Variants in SLC4A4 observed in about 807,000 individuals in gnomAD.
SLC4A4 encodes the protein solute carrier family 4 member 4, also known as electrogenic sodium bicarbonate cotransporter 1.
Under a neutral mutation model 111.5 loss-of-function variants are expected in SLC4A4, and 27 were observed. The ratio of observed to expected loss-of-function variants is 0.24; its 90% CI spans 0.18 to 0.33. The LOEUF is 0.33. SLC4A4 is among the 10% of genes least tolerant of loss of function. The probability of loss-of-function intolerance (pLI) is 1.00; values close to 1 mark genes in which losing one functional copy is unlikely to be tolerated. For missense variants in SLC4A4, 909 were observed against 1,315.5 expected (o/e 0.69, Z 4.78); for synonymous variants, 443 against 463.4 (o/e 0.96, Z 0.57).
rs981788513 is a variant in SLC4A4, at chr4:71,338,184, C to T, written c.254-1186C>T. Among the ~76,000 whole-genome samples the T allele has an allele frequency of 2.6e-5, 4 of 151,874 alleles. No individual in the cohort carries two copies. The East Asian group carries it at 5.8e-4, about 22-fold the overall frequency. On this transcript the variant is annotated intron_variant, in intron 3 of 25. Transcript: ENST00000264485. The stretch of plus-strand genomic sequence containing the variant: ...CACATTTTATTTTAATGATTAGTTT[C>T]GATTTTTAATTAGGTTGAATATTTT...
At chr4:71,426,134 ACT>A (rs1418436809) in intron 7 of SLC4A4, among the ~76,000 whole-genome samples, 1 of 151,352 alleles carries the variant, frequency 6.6e-6, no homozygotes, top group Admixed American at 6.6e-5. Context: ...CTACAATAAA[ACT>A]CTTTTATTGC....
chr4:71,534,772 G>T (rs1734263880), intron 18 of SLC4A4, among the ~76,000 whole-genome samples: 1 of 152,018 alleles, frequency 6.6e-6, no homozygotes, highest in Admixed American at 6.6e-5. Context: ...ATCAACTCAG[G>T]TTTATTCTTA....
intron 2 of SLC4A4, among the ~76,000 whole-genome samples, chr4:71,124,797 C>A (rs932839187): frequency 6.6e-6 from 1 of 152,108 alleles, no homozygotes; most frequent in African/African-American, 2.4e-5. Context: ...GGGGTGTGGA[C>A]CCAGGAGATG....
At chr4:71,455,362 A>G (rs1221765348) in intron 12 of SLC4A4, among the ~76,000 whole-genome samples, 1 of 152,220 alleles carries the variant, frequency 6.6e-6, no homozygotes, top group Non-Finnish European at 1.5e-5. Context: ...TTTGTAAGAC[A>G]AAACTGAATA....
At chr4:71,331,126 G>T (rs1453819267) in intron 3 of SLC4A4, among the ~76,000 whole-genome samples, 1 of 152,186 alleles carries the variant, frequency 6.6e-6, no homozygotes, top group African/African-American at 2.4e-5. Flanking sequence ...CTTTTACACT[G>T]TTGGTGGGAC....
At chr4:71,193,043 G>T (rs1306582160) in intron 1 of SLC4A4, among the ~76,000 whole-genome samples, 1 of 152,192 alleles carries the variant, frequency 6.6e-6, no homozygotes, top group Non-Finnish European at 1.5e-5. Context: ...TTGCTACATA[G>T]TGTTCCACTT....
intron 5 of SLC4A4, among the ~76,000 whole-genome samples, chr4:71,353,387 C>A (rs114594616): frequency 1.3e-3 from 197 of 152,228 alleles, no homozygotes; most frequent in African/African-American, 4.6e-3. Context: ...ACAAATAACA[C>A]ATCATAAGTA....
chr4:71,102,612 T>C (rs890249423), intron 2 of SLC4A4, among the ~76,000 whole-genome samples: 1 of 151,870 alleles, frequency 6.6e-6, no homozygotes, highest in African/African-American at 2.4e-5. Flanking sequence ...TGGGGGCCAA[T>C]ATTCAACATT....
chr4:71,375,696 T>A (rs543844623), intron 6 of SLC4A4, among the ~76,000 whole-genome samples: 34 of 152,316 alleles, frequency 2.2e-4, no homozygotes, highest in African/African-American at 7.9e-4. Flanking sequence ...CATTTAGGTA[T>A]CCTTTATTGC....
intron 3 of SLC4A4, among the ~76,000 whole-genome samples, chr4:71,283,438 C>T (rs1723680775): frequency 6.6e-6 from 1 of 152,148 alleles, no homozygotes; most frequent in African/African-American, 2.4e-5. Context: ...AGGTTTGCCT[C>T]AGTTGCTTTG....
At chr4:71,479,558 T>A (rs1041451505) in intron 14 of SLC4A4, among the ~76,000 whole-genome samples, 1 of 151,758 alleles carries the variant, frequency 6.6e-6, no homozygotes, top group African/African-American at 2.4e-5. Context: ...AAATAAAAGA[T>A]CATCCTAACT....
intron 3 of SLC4A4, among the ~76,000 whole-genome samples, chr4:71,295,895 C>T (rs189253166): frequency 7.2e-5 from 11 of 152,084 alleles, no homozygotes; most frequent in Admixed American, 3.9e-4. Context: ...CATGTCCTTA[C>T]GTGATCCACC....
chr4:71,308,843 G>A (rs368166027), intron 3 of SLC4A4, among the ~76,000 whole-genome samples: 64 of 152,244 alleles, frequency 4.2e-4, no homozygotes, highest in African/African-American at 1.5e-3. Context: ...GTAGTTCCTG[G>A]AACCCCAGTG....
Position 71,555,149 on chromosome 4 carries a change from A to G in SLC4A4, c.2704A>G (p.Met902Val), listed in dbSNP as rs1736361260. The change falls in exon 21 of 26, where the codon ATG becomes GTG. Residue 902 changes from methionine to valine, a missense_variant. Met to Val is a conservative substitution (Grantham distance 21, BLOSUM62 1). Around this residue, in one of 7 missense-constraint regions of SLC4A4, gnomAD observed 104 missense variants for 219.5 expected, o/e 0.47. Transcript: ENST00000264485. Reference protein sequence around the residue: ...FMAPILKFIPMPVLYGVFLYM... With the variant: ...FMAPILKFIPVPVLYGVFLYM... ...ATTTTTTTCCTTCTAGTTTATACCC[A>G]TGCCTGTACTCTATGGTGTGTTCCT... The G allele has an allele frequency of 6.2e-7, 1 of 1,608,580 alleles. No homozygotes were observed. The highest frequency in any genetic ancestry group is 8.5e-7 in the Non-Finnish European group (1 of 1,175,776).
chr4:71,357,436 A>G (rs777147468), intron 6 of SLC4A4, among the ~76,000 whole-genome samples: 21 of 152,108 alleles, frequency 1.4e-4, no homozygotes, highest in Non-Finnish European at 2.5e-4. Context: ...ATCTATTCTG[A>G]TTGATGGAGG....
upstream of SLC4A4, among the ~76,000 whole-genome samples, chr4:71,183,339 C>A (rs1372172652): frequency 6.6e-6 from 1 of 152,166 alleles, no homozygotes; most frequent in Non-Finnish European, 1.5e-5. Flanking sequence ...CACGTTTAAC[C>A]AAATAAAATT....
chr4:71,340,265 A>G (rs980905528), intron 4 of SLC4A4, among the ~76,000 whole-genome samples: 1 of 152,116 alleles, frequency 6.6e-6, no homozygotes, highest in Non-Finnish European at 1.5e-5. Flanking sequence ...TAAAACAATG[A>G]GGAAAGTTGC....
intron 2 of SLC4A4, among the ~76,000 whole-genome samples, chr4:71,117,013 A>G (rs992564335): frequency 4.6e-5 from 7 of 151,888 alleles, no homozygotes; most frequent in African/African-American, 1.7e-4. Context: ...GTCTCACTCT[A>G]TTGTCCAGGC....
Position 71,202,592 on chromosome 4 carries a change from C to T in SLC4A4, c.-2+15191C>T, listed in dbSNP as rs368366914. Among the ~76,000 whole-genome samples, 32 of 152,158 alleles carry T rather than the reference C, an allele frequency of 2.1e-4. 1 individual carries two copies. The highest frequency in any genetic ancestry group is 1.7e-3 in the South Asian group (8 of 4,810). The stretch of plus-strand genomic sequence containing the variant: ...TATTTGTATACCCTAATAAAGCCAG[C>T]GGAGTGGAGGAGGAAATAATACAAC... On this transcript the variant is annotated intron_variant, in intron 1 of 25. Coordinates refer to ENST00000264485, the MANE Select transcript of SLC4A4 (RefSeq NM_001098484.3).
Sources: allele counts gnomAD v4.1 joint callset (sites outside exome capture counted in the v4.1 genomes callset), GRCh38; gene constraint gnomAD v4.1.1; regional missense constraint gnomAD v4.1.1; transcripts MANE v1.5; gene names NCBI Gene and HGNC (gene_info 2026-07-23, HGNC 2026-07-21).